The following DENND1A variants were observed in gnomAD, a reference collection of about 807,000 sequenced individuals.
DENND1A encodes the protein DENN domain containing 1A, also known as DENN domain-containing protein 1A.
A neutral mutation model predicts 113.7 loss-of-function variants in DENND1A; 51 were observed. The ratio of observed to expected loss-of-function variants is 0.45; its 90% CI spans 0.36 to 0.57. The LOEUF is 0.57. Ranked by LOEUF, DENND1A falls within the 20% of genes least tolerant of loss-of-function variation. DENND1A has a pLI of 0.00. For synonymous variants in DENND1A, 565 were observed against 570.8 expected (o/e 0.99, Z 0.14); for missense variants, 1,258 against 1,395.9 (o/e 0.90, Z 1.57).
chr9:123,838,658 A>G (rs552952306), intron 2 of DENND1A, among the ~76,000 whole-genome samples: 1 of 152,230 alleles, frequency 6.6e-6, no homozygotes, highest in African/African-American at 2.4e-5. Flanking sequence ...CAATCATTCA[A>G]GGCGGTACCT....
chr9:123,904,264 G>A (rs989349893), intron 1 of DENND1A, among the ~76,000 whole-genome samples: 210 of 151,944 alleles, frequency 1.4e-3, no homozygotes, highest in Middle Eastern at 6.8e-3. Flanking sequence ...CACAAAGATG[G>A]GGAAAAAACA....
At chr9:123,516,097 TACACACAC>T (rs777288582) in intron 13 of DENND1A, among the ~76,000 whole-genome samples, 10 of 56,860 alleles carry the variant, frequency 1.8e-4, no homozygotes, top group Middle Eastern at 8.9e-3. Context: ...TAGATATATA[TACACACAC>T]ATACACACAC....
intron 5 of DENND1A, among the ~76,000 whole-genome samples, chr9:123,736,749 A>T (rs759078095): frequency 1.3e-5 from 2 of 152,210 alleles, no homozygotes; most frequent in Non-Finnish European, 2.9e-5. Flanking sequence ...CATTATTTTG[A>T]TTTGAATTTT....
intron 5 of DENND1A, among the ~76,000 whole-genome samples, chr9:123,722,313 G>A (rs765007789): frequency 1.3e-5 from 2 of 152,114 alleles, no homozygotes; most frequent in Non-Finnish European, 2.9e-5. Context: ...AGTTTTAAAA[G>A]GGAAATAAAA....
intron 2 of DENND1A, among the ~76,000 whole-genome samples, chr9:123,869,207 G>A (rs184753604): frequency 1.3e-5 from 2 of 152,272 alleles, no homozygotes; most frequent in East Asian, 3.9e-4. Flanking sequence ...TTGCTTCCTA[G>A]CTCTAAGATT....
intron 5 of DENND1A, among the ~76,000 whole-genome samples, chr9:123,696,572 G>GA (rs1053641075): frequency 2.6e-4 from 39 of 152,252 alleles, no homozygotes; most frequent in East Asian, 3.9e-4. Context: ...TAAAGCAAGA[G>GA]AAAATCTTAA....
chr9:123,415,754 C>T (rs1336738114), intron 19 of DENND1A, among the ~76,000 whole-genome samples: 2 of 152,156 alleles, frequency 1.3e-5, no homozygotes, highest in Non-Finnish European at 2.9e-5. Flanking sequence ...TGCAGGGATG[C>T]GGGGCATCTG....
chr9:123,795,989 AT>A (rs946792044), intron 2 of DENND1A, among the ~76,000 whole-genome samples: 1 of 152,222 alleles, frequency 6.6e-6, no homozygotes, highest in African/African-American at 2.4e-5. Context: ...TTCTTTCCTT[AT>A]CCTTTTCTCT....
chr9:123,500,781 G>C (rs2052409802), intron 13 of DENND1A, among the ~76,000 whole-genome samples: 1 of 152,198 alleles, frequency 6.6e-6, no homozygotes, highest in African/African-American at 2.4e-5. Context: ...GTCACACAAA[G>C]ACAGAACCAT....
intron 3 of DENND1A, among the ~76,000 whole-genome samples, chr9:123,771,008 A>G (rs531267144): frequency 2.6e-5 from 4 of 152,162 alleles, no homozygotes; most frequent in Non-Finnish European, 5.9e-5. Flanking sequence ...ATCATCTTGG[A>G]CTGGTACTAT....
chr9:123,674,369 CACA>C (rs2063934932), intron 6 of DENND1A, among the ~76,000 whole-genome samples: 2 of 151,412 alleles, frequency 1.3e-5, no homozygotes, highest in Non-Finnish European at 3.0e-5. Flanking sequence ...CACACACACA[CACA>C]CACACACACA....
chr9:123,701,376 T>C (rs185994213), intron 5 of DENND1A, among the ~76,000 whole-genome samples: 2 of 152,308 alleles, frequency 1.3e-5, no homozygotes, highest in Admixed American at 6.5e-5. Context: ...GCATTACCCA[T>C]GTCATCCCTC....
intron 13 of DENND1A, among the ~76,000 whole-genome samples, chr9:123,478,239 A>G (rs1002199597): frequency 3.3e-5 from 5 of 152,072 alleles, no homozygotes; most frequent in African/African-American, 7.2e-5. Context: ...GAGAATCCCA[A>G]CCTCCCTTGT....
chr9:123,923,065 T>A (rs1856541152), intron 1 of DENND1A, among the ~76,000 whole-genome samples: 1 of 152,190 alleles, frequency 6.6e-6, no homozygotes, highest in South Asian at 2.1e-4. Context: ...ACCCAGAGAT[T>A]AGCTCTCCCT....
chr9:123,924,983 C>G (rs1226993390), intron 1 of DENND1A, among the ~76,000 whole-genome samples: 5 of 152,222 alleles, frequency 3.3e-5, no homozygotes, highest in Non-Finnish European at 7.3e-5. Flanking sequence ...GAGGCCTTCC[C>G]TCGCCACTCT....
At chr9:123,751,327 C>G (rs1196174211) in intron 5 of DENND1A, 5 of 152,170 alleles carry the variant, frequency 3.3e-5, no homozygotes, top group Non-Finnish European at 7.3e-5. Context: ...CTGAACACCA[C>G]TCAGGTTTAG....
intron 12 of DENND1A, among the ~76,000 whole-genome samples, chr9:123,561,658 GGT>G (rs2057764497): frequency 6.6e-6 from 1 of 152,102 alleles, no homozygotes; most frequent in Admixed American, 6.5e-5. Context: ...GGGTAATTTG[GGT>G]GTGTTGTAAG....
At chr9:123,807,665 G>C (rs1338643991) in intron 2 of DENND1A, among the ~76,000 whole-genome samples, 1 of 152,166 alleles carries the variant, frequency 6.6e-6, no homozygotes, top group East Asian at 1.9e-4. Flanking sequence ...AATTCTATCT[G>C]AATTGCCCTT....
chr9:123,856,300 C>G (rs533253934), intron 2 of DENND1A, among the ~76,000 whole-genome samples: 123 of 152,234 alleles, frequency 8.1e-4, no homozygotes, highest in Non-Finnish European at 3.4e-4. Flanking sequence ...TATGGGGACT[C>G]AAAGTGCAAC....
Sources: gnomAD v4.1 joint callset for allele counts (sites outside exome capture counted in the v4.1 genomes callset) on GRCh38, gnomAD v4.1.1 for gene constraint, MANE v1.5 for transcripts, NCBI Gene and HGNC (gene_info 2026-07-23, HGNC 2026-07-21) for gene names.